SCHIP1: variants seen among roughly 807,000 people sequenced by gnomAD.
SCHIP1 encodes schwannomin-interacting protein 1.
In SCHIP1, 8 loss-of-function variants were observed where a neutral mutation model predicts 29.7. That is an observed-to-expected ratio of 0.27 (90% CI 0.16 to 0.49). The LOEUF (loss-of-function observed/expected upper bound fraction) is 0.49. Ranked by LOEUF, SCHIP1 falls within the 20% of genes least tolerant of loss-of-function variation. The probability of loss-of-function intolerance (pLI) is 0.99; values close to 1 mark genes in which losing one functional copy is unlikely to be tolerated. For missense variants in SCHIP1, 193 were observed against 294.6 expected (o/e 0.66, Z 2.52); for synonymous variants, 76 against 94.9 (o/e 0.80, Z 1.16).
chr3:159,860,264 A>G (rs769347576), intron 1 of SCHIP1, among the ~76,000 whole-genome samples: 22 of 152,194 alleles, frequency 1.4e-4, no homozygotes, highest in Admixed American at 6.5e-5. Context: ...CCTGGGGCCT[A>G]TAGGTAACAC....
At position 159,896,144 on chromosome 3, in the gene SCHIP1, G is replaced by A. The variant is rs3821702; in HGVS notation, c.684-579G>A. On this transcript the variant is annotated intron_variant, in intron 6 of 6. Transcript: ENST00000445224. ...ATTTGTTAGACATTGGCTTTTGCAGGAGTGAATTAGATTTTTGGCTCCAGG... is the reference window on the plus strand; with the variant it reads ...ATTTGTTAGACATTGGCTTTTGCAGAAGTGAATTAGATTTTTGGCTCCAGG... Among the ~76,000 whole-genome samples, 296 of 152,310 alleles carry A rather than the reference G, an allele frequency of 1.9e-3. 3 individuals are homozygous for A. The East Asian group carries it at 0.037, about 19-fold the overall frequency.
At chr3:159,617,706 T>C in the SCHIP1 span, among the ~76,000 whole-genome samples, 1 of 152,138 alleles carries the variant, frequency 6.6e-6, no homozygotes, top group African/African-American at 2.4e-5. Flanking sequence ...CTGAAAACCA[T>C]TTACTACCCC....
the SCHIP1 span, among the ~76,000 whole-genome samples, chr3:159,371,683 C>CTGAT: frequency 6.6e-6 from 1 of 152,150 alleles, no homozygotes; most frequent in Non-Finnish European, 1.5e-5. Flanking sequence ...GCTGAGGACT[C>CTGAT]TGATATAAAA....
the SCHIP1 span, among the ~76,000 whole-genome samples, chr3:159,657,856 A>G: frequency 6.6e-6 from 1 of 152,212 alleles, no homozygotes; most frequent in Non-Finnish European, 1.5e-5. Flanking sequence ...GGAACACAGG[A>G]TGCTTGGAAG....
the SCHIP1 span, among the ~76,000 whole-genome samples, chr3:159,551,490 A>G: frequency 1.3e-5 from 2 of 152,150 alleles, no homozygotes; most frequent in South Asian, 4.1e-4. Flanking sequence ...GGAGATTGTG[A>G]TTATAAAGGA....
At chr3:159,507,100 C>T in the SCHIP1 span, among the ~76,000 whole-genome samples, 3 of 152,164 alleles carry the variant, frequency 2.0e-5, no homozygotes, top group Middle Eastern at 3.2e-3. Context: ...TACCCATGAG[C>T]ATGGAATGTT....
chr3:159,729,163 AG>A, the SCHIP1 span, among the ~76,000 whole-genome samples: 3 of 152,130 alleles, frequency 2.0e-5, no homozygotes, highest in Non-Finnish European at 4.4e-5. Flanking sequence ...AGAAAAGAAA[AG>A]AAAAAAAGAA....
chr3:159,450,956 C>T, the SCHIP1 span, among the ~76,000 whole-genome samples: 1 of 151,782 alleles, frequency 6.6e-6, no homozygotes, highest in Non-Finnish European at 1.5e-5. Context: ...CTACAGGCAC[C>T]CACCACCACG....
the SCHIP1 span, among the ~76,000 whole-genome samples, chr3:159,504,099 G>A: frequency 8.0e-3 from 1,219 of 152,268 alleles, 14 homozygotes; most frequent in African/African-American, 0.028. Context: ...TATCTCTCAG[G>A]TTGTGGAGGA....
At chr3:159,506,023 T>C in the SCHIP1 span, among the ~76,000 whole-genome samples, 1 of 152,254 alleles carries the variant, frequency 6.6e-6, no homozygotes, top group African/African-American at 2.4e-5. Context: ...TTTCTAGTTC[T>C]AGATCCCTGA....
the SCHIP1 span, among the ~76,000 whole-genome samples, chr3:159,823,259 A>G: frequency 6.6e-6 from 1 of 152,174 alleles, no homozygotes; most frequent in African/African-American, 2.4e-5. Flanking sequence ...ACTTAGAGCA[A>G]GATCTCTGGA....
the SCHIP1 span, chr3:159,765,340 T>C: frequency 3.4e-6 from 2 of 580,148 alleles, no homozygotes; most frequent in Non-Finnish European, 5.5e-6. Context: ...GTTTGCAGGA[T>C]GGGCGGAGAG....
chr3:159,303,352 T>G, the SCHIP1 span, among the ~76,000 whole-genome samples: 1 of 151,938 alleles, frequency 6.6e-6, no homozygotes, highest in Non-Finnish European at 1.5e-5. Context: ...TGAACCTTCT[T>G]TTTCCAGAGG....
the SCHIP1 span, among the ~76,000 whole-genome samples, chr3:159,761,240 G>A: frequency 6.6e-6 from 1 of 152,214 alleles, no homozygotes; most frequent in African/African-American, 2.4e-5. Context: ...GGAAACTTTA[G>A]TAATTTCAGG....
At chr3:159,555,601 T>C in the SCHIP1 span, among the ~76,000 whole-genome samples, 1 of 152,212 alleles carries the variant, frequency 6.6e-6, no homozygotes, top group African/African-American at 2.4e-5. Flanking sequence ...GTGTTTTGCA[T>C]GTATGAATAT....
chr3:159,603,771 A>C, the SCHIP1 span, among the ~76,000 whole-genome samples: 1 of 152,116 alleles, frequency 6.6e-6, no homozygotes, highest in Non-Finnish European at 1.5e-5. Flanking sequence ...TATAAAGAAA[A>C]GAAATTTATT....
At chr3:159,892,251 T>C (rs1717610786) in intron 6 of SCHIP1, 61 bp downstream of exon 7, 20 of 1,596,566 alleles carry the variant, frequency 1.3e-5, no homozygotes, top group Non-Finnish European at 1.7e-5. Context: ...AATCTAAGAA[T>C]TAGGCAAAAA....
At chr3:159,679,656 G>A in the SCHIP1 span, among the ~76,000 whole-genome samples, 2 of 152,060 alleles carry the variant, frequency 1.3e-5, no homozygotes, top group Non-Finnish European at 2.9e-5. Context: ...AAAAAGGGAG[G>A]GGGATTTTTT....
the SCHIP1 span, among the ~76,000 whole-genome samples, chr3:159,364,661 A>C: frequency 6.6e-6 from 1 of 152,142 alleles, no homozygotes; most frequent in East Asian, 1.9e-4. Flanking sequence ...ATTGAATGTC[A>C]CCTCTGCAAG....
Sources: allele counts gnomAD v4.1 joint callset (sites outside exome capture counted in the v4.1 genomes callset), GRCh38; gene constraint gnomAD v4.1.1; transcripts MANE v1.5; gene names NCBI Gene and HGNC (gene_info 2026-07-23, HGNC 2026-07-21).